FAM124B: variants seen among roughly 807,000 people sequenced by gnomAD.
FAM124B encodes protein FAM124B.
FAM124B carries 18 observed loss-of-function variants against 19.7 expected under a neutral mutation model. That is an observed-to-expected ratio of 0.92 (90% confidence interval 0.63 to 1.36). The LOEUF is 1.36. Among genes scored for constraint, FAM124B ranks in the 40% most tolerant of loss-of-function variants. The pLI is 0.00. For synonymous variants in FAM124B, 223 were observed against 225.2 expected, an observed-to-expected ratio of 0.99 and a Z score of 0.09; for missense variants, 540 against 553.3, an observed-to-expected ratio of 0.98 and a Z score of 0.24.
Position 224,401,427 on chromosome 2 carries a change from C to G in FAM124B, c.342G>C (p.Gln114His). The change falls in exon 1 of 2, where the codon CAG (glutamine) becomes CAC (histidine). Residue 114 changes from glutamine to histidine, a missense_variant. Coordinates refer to ENST00000409685, the MANE Select transcript of FAM124B (RefSeq NM_001122779.2). ...GCTGACTGTCCAGGCTGTAGAACTC[C>G]TGATTGGCAAAAAAGTAGGGACACA... is the stretch of plus-strand genomic sequence containing the variant. ...GRLCPYFFANQEFYSLDSQLP... is the reference protein window; with the variant it reads ...GRLCPYFFANHEFYSLDSQLP... 1 of 1,614,040 alleles carries G rather than the reference C, an allele frequency of 6.2e-7. No individual in the cohort carries two copies. Among genetic ancestry groups the G allele is most frequent in the South Asian group, 1.1e-5 (1 of 91,082 alleles).
intron 1 of FAM124B, among the ~76,000 whole-genome samples, chr2:224,389,651 A>G (rs1349196817): frequency 1.3e-5 from 2 of 152,248 alleles, no homozygotes; most frequent in African/African-American, 4.8e-5. Flanking sequence ...GCTGCAGATG[A>G]TGACTTGGTT....
chr2:224,391,539 A>G lies in FAM124B; in HGVS notation c.732+9498T>C, dbSNP rs1343952641. Among the ~76,000 whole-genome samples the G allele has an allele frequency of 5.3e-5, 8 of 152,334 alleles. 1 individual carries two copies. Among genetic ancestry groups the G allele is most frequent in the Middle Eastern group, 6.8e-3 (2 of 294 alleles). ...GTTTCGCTACAGTGTTAGAAATGAA[A>G]GAAGTATATTATCTAAAACAGGCTG... On this transcript the variant is annotated intron_variant, in intron 1 of 1. Coordinates refer to ENST00000409685, the MANE Select transcript of FAM124B (RefSeq NM_001122779.2).
intron 1 of FAM124B, among the ~76,000 whole-genome samples, chr2:224,390,081 TAG>T (rs1262415039): frequency 1.4e-5 from 2 of 145,372 alleles, no homozygotes; most frequent in Admixed American, 6.9e-5. Flanking sequence ...AAACATGATT[TAG>T]AGAGAGGAAA....
intron 1 of FAM124B, among the ~76,000 whole-genome samples, chr2:224,397,868 T>C (rs1689999046): frequency 6.6e-6 from 1 of 152,088 alleles, no homozygotes; most frequent in Non-Finnish European, 1.5e-5. Context: ...AAGGCATGAG[T>C]GAACAGTGAA....
At chr2:224,382,692 G>A (rs1484099134) in intron 1 of FAM124B, among the ~76,000 whole-genome samples, 1 of 152,068 alleles carries the variant, frequency 6.6e-6, no homozygotes, top group Non-Finnish European at 1.5e-5. Context: ...ACAGGAGTGA[G>A]CCATCTCTCT....
Position 224,401,508 on chromosome 2 carries a change from G to A in FAM124B, c.261C>T (p.Asp87=), listed in dbSNP as rs1337039325. The change falls in exon 1 of 2, where the codon GAC becomes GAT. Residue 87 remains aspartate, a synonymous_variant. Coordinates refer to ENST00000409685, the MANE Select transcript of FAM124B (RefSeq NM_001122779.2). The part of the protein sequence containing the change: ...PGEDRLFRVL[D]SLQHSPWQCY... Reference sequence around the variant, plus strand: ...ACTGCCATGGCGAATGCTGGAGAGAGTCCAGGACGCGAAATAGCCTATCCT... The same window carrying A: ...ACTGCCATGGCGAATGCTGGAGAGAATCCAGGACGCGAAATAGCCTATCCT... The A allele has an allele frequency of 2.5e-6, 4 of 1,614,012 alleles. No individual in the cohort carries two copies. In the East Asian group the frequency reaches 8.9e-5, roughly 36 times the overall value.
At chr2:224,381,201 T>C (rs1220165747) in intron 1 of FAM124B, among the ~76,000 whole-genome samples, 1 of 152,198 alleles carries the variant, frequency 6.6e-6, no homozygotes, top group African/African-American at 2.4e-5. Context: ...CTCATGCCTG[T>C]AATCCTAGCC....
intron 1 of FAM124B, chr2:224,400,228 T>C (rs540923306): frequency 2.4e-6 from 1 of 419,904 alleles, no homozygotes; most frequent in African/African-American, 2.0e-5. Context: ...CTGCACTTTG[T>C]GCACATGTAC....
intron 1 of FAM124B, among the ~76,000 whole-genome samples, chr2:224,393,786 TGGGGG>T (rs1244757080): frequency 6.6e-6 from 1 of 152,218 alleles, no homozygotes; most frequent in Non-Finnish European, 1.5e-5. Context: ...TAGAATTCTT[TGGGGG>T]GTTTTTCCCC....
Position 224,401,760 on chromosome 2 carries a change from C to T in FAM124B, c.9G>A (p.Glu3=). Residue 3 remains glutamate (E), a synonymous_variant, in exon 1 of 2, where the codon GAG becomes GAA. Transcript: ENST00000409685. ...CAGTCATGGCCAGAGGCCCCTGTGT[C>T]TCATCCATGGAGGAACTGCCTGAGG... MD[E]TQGPLAMTVH... is the part of the protein sequence containing the mutation. The T allele has an allele frequency of 4.3e-6, 7 of 1,612,000 alleles. No individual in the cohort carries two copies. The highest frequency in any genetic ancestry group is 5.1e-6 in the Non-Finnish European group (6 of 1,179,006).
At position 224,379,893 on chromosome 2, in the gene FAM124B, G is replaced by C; in HGVS notation, c.1048C>G (p.Arg350Gly). The part of the protein sequence containing the change: ...ESGARMKVLN[R>G]ENSFQKLEAE... ...TCAAGCTTCTGAAAGCTGTTTTCCC[G>C]GTTGAGGACCTTCATTCTGGCCCCG... Residue 350 changes from arginine (R) to glycine (G), a missense_variant, in exon 2 of 2, where the codon CGG (arginine) becomes GGG (glycine). Coordinates refer to ENST00000409685, the MANE Select transcript of FAM124B (RefSeq NM_001122779.2). 6.4e-7 allele frequency: 1 copy of C among 1,551,924 alleles called. No individual in the cohort carries two copies. The highest frequency in any genetic ancestry group is 8.7e-7 in the Non-Finnish European group (1 of 1,147,016).
rs1559312706 is a variant in FAM124B at position 224,401,171 on chromosome 2, T to TGG, written c.596_597dup (p.Lys200ProfsTer17). 6.2e-7 allele frequency: 1 copy of TGG among 1,614,164 alleles called. No homozygotes were observed. Among genetic ancestry groups the TGG allele is most frequent in the Admixed American group, 1.7e-5 (1 of 60,022 alleles). The stretch of plus-strand genomic sequence containing the variant: ...TTAAACTGCAGCACCGAAGACTCTT[T>TGG]GGGGTCCACTGACATTCCCGGGGGC... On this transcript the variant is annotated frameshift_variant, in exon 1 of 2. Coordinates refer to ENST00000409685, the MANE Select transcript of FAM124B (RefSeq NM_001122779.2). LOFTEE classifies it high-confidence loss of function.
rs938956900 is a variant in FAM124B, at chr2:224,391,034, A to C, written c.732+10003T>G. Among the ~76,000 whole-genome samples the C allele has an allele frequency of 7.3e-5, 11 of 150,384 alleles. No individual in the cohort carries two copies. The East Asian group carries it at 2.2e-3, about 30-fold the overall frequency. On this transcript the variant is annotated intron_variant, in intron 1 of 1. Transcript: ENST00000409685. Reference sequence around the variant, plus strand: ...CTTATTTTTAATTAGAAGCTGGAAAAGAGTCTCTAATGAAAAAGAAACACT... The same window carrying C: ...CTTATTTTTAATTAGAAGCTGGAAACGAGTCTCTAATGAAAAAGAAACACT...
chr2:224,400,514 T>C (rs1018415622), intron 1 of FAM124B: 1 of 687,994 alleles, frequency 1.5e-6, no homozygotes, highest in Admixed American at 2.1e-5. Context: ...CTCTAAAAAA[T>C]AAAAAAATTA....
chr2:224,386,032 G>T (rs573027803), intron 1 of FAM124B, among the ~76,000 whole-genome samples: 1 of 152,004 alleles, frequency 6.6e-6, no homozygotes, highest in Admixed American at 6.6e-5. Context: ...CTTCAGTGAC[G>T]CCCTACTCTT....
intron 1 of FAM124B, among the ~76,000 whole-genome samples, chr2:224,388,146 T>C (rs1054448894): frequency 6.6e-6 from 1 of 152,170 alleles, no homozygotes; most frequent in African/African-American, 2.4e-5. Context: ...TCCCACATTA[T>C]AAAATACAAG....
chr2:224,401,926 G>A lies in FAM124B; in HGVS notation c.-158C>T. The A allele has an allele frequency of 1.2e-6, 1 of 818,070 alleles. No individual in the cohort carries two copies. Among genetic ancestry groups the A allele is most frequent in the Non-Finnish European group, 1.9e-6 (1 of 534,192 alleles). 50.7% of individuals were successfully genotyped at this position (818,070 alleles called of 1,614,324 possible). Reference sequence around the variant, plus strand: ...AGAGCTCTTAACCAGACTAACACGTGCTCCTGGCCACCCGTGGACTTACGG... The same window carrying A: ...AGAGCTCTTAACCAGACTAACACGTACTCCTGGCCACCCGTGGACTTACGG... On this transcript the variant is annotated 5_prime_UTR_variant, in exon 1 of 2. Transcript: ENST00000409685.
chr2:224,401,395 A>T lies in FAM124B; in HGVS notation c.374T>A (p.Ile125Asn). 1 of 1,614,038 alleles carries T rather than the reference A, an allele frequency of 6.2e-7. No homozygotes were observed. Among genetic ancestry groups the T allele is most frequent in the East Asian group, 2.2e-5 (1 of 44,874 alleles). The change falls in exon 1 of 2, where the codon ATC becomes AAC. Residue 125 changes from isoleucine (I) to asparagine (N), a missense_variant. By Grantham distance (149) the Ile-to-Asn change is moderately radical (BLOSUM62 -3). Coordinates refer to ENST00000409685, the MANE Select transcript of FAM124B (RefSeq NM_001122779.2). ...ACAGTGCACCTGCCTCACCCCCCAG[A>T]TGGGCAGCTGACTGTCCAGGCTGTA... is the stretch of plus-strand genomic sequence containing the variant. Reference protein sequence around the residue: ...EFYSLDSQLPIWGVRQVHCGS... With the variant: ...EFYSLDSQLPNWGVRQVHCGS...
rs1438639885 is a variant in FAM124B at position 224,379,762 on chromosome 2, G to A, written c.1179C>T (p.Phe393=). 6.4e-7 allele frequency: 1 copy of A among 1,551,622 alleles called. No individual in the cohort carries two copies. Among genetic ancestry groups the A allele is most frequent in the Non-Finnish European group, 8.7e-7 (1 of 1,147,026 alleles). The change falls in exon 2 of 2, where the codon TTC becomes TTT. Residue 393 remains phenylalanine, a synonymous_variant. Transcript: ENST00000409685. The part of the protein sequence containing the change: ...PRDLQTSQPP[F]CLPASSLGVA... ...CCCCCAAGGAAGAGGCTGGCAAGCA[G>A]AATGGTGGCTGGCTGGTCTGTAAAT...
Sources: allele counts gnomAD v4.1 joint callset (sites outside exome capture counted in the v4.1 genomes callset), GRCh38; gene constraint gnomAD v4.1.1; transcripts MANE v1.5; gene names NCBI Gene and HGNC (gene_info 2026-07-23, HGNC 2026-07-21).